HEG1: variants seen among roughly 807,000 people sequenced by gnomAD.
HEG1 encodes the protein heart development protein with EGF like domains 1, also known as protein HEG homolog 1.
In HEG1, 56 loss-of-function variants were observed where a neutral mutation model predicts 125.6. That is an observed-to-expected ratio of 0.45 (90% CI 0.36 to 0.56). HEG1 has a LOEUF of 0.56. HEG1 is among the 20% of genes least tolerant of loss of function. HEG1 has a pLI of 0.00. For missense variants in HEG1, 1,523 were observed against 1,670.0 expected (o/e 0.91, Z 1.53); for synonymous variants, 644 against 668.5 (o/e 0.96, Z 0.57).
At chr3:125,020,036 T>C (rs1023256360) in intron 4 of HEG1, among the ~76,000 whole-genome samples, 3 of 152,350 alleles carry the variant, frequency 2.0e-5, no homozygotes, top group South Asian at 2.1e-4. Context: ...AAATCAATTA[T>C]AAGGATTAAG....
chr3:125,016,249 A>G (rs541971772), intron 5 of HEG1, among the ~76,000 whole-genome samples: 3 of 152,342 alleles, frequency 2.0e-5, no homozygotes, highest in African/African-American at 7.2e-5. Flanking sequence ...GGAGCGGGCC[A>G]AGAACTCTAA....
At chr3:125,051,146 T>A (rs1305549331) in intron 1 of HEG1, among the ~76,000 whole-genome samples, 1 of 152,244 alleles carries the variant, frequency 6.6e-6, no homozygotes, top group Non-Finnish European at 1.5e-5. Context: ...GAGTAGGGCA[T>A]AATTTACAAT....
chr3:124,984,383 G>GA (rs933721032), intron 14 of HEG1, among the ~76,000 whole-genome samples: 10 of 151,876 alleles, frequency 6.6e-5, no homozygotes, highest in African/African-American at 2.2e-4. Flanking sequence ...AAGAGGGATG[G>GA]AAAAAAATGT....
chr3:124,997,692 G>A lies in HEG1; in HGVS notation c.3649C>T (p.Arg1217Ter). The A allele has an allele frequency of 1.3e-6, 2 of 1,574,744 alleles. No individual in the cohort carries two copies. The highest frequency in any genetic ancestry group is 1.7e-6 in the Non-Finnish European group (2 of 1,154,110). The change falls in exon 12 of 17, where the codon CGA (arginine) becomes TGA (stop). Residue 1217 changes from arginine to a stop codon, truncating the protein, a stop_gained. Transcript: ENST00000311127. LOFTEE classifies it high-confidence loss of function. ...FQFNKMDHSC[R>*]ACEDGYRLEN... Reference sequence around the variant, plus strand: ...CCCCAGGCGAAGCTGTGGCTACCTCGGCAGGAGTGGTCCATCTTGTTGAAC... The same window carrying A: ...CCCCAGGCGAAGCTGTGGCTACCTCAGCAGGAGTGGTCCATCTTGTTGAAC...
intron 5 of HEG1, chr3:125,015,110 C>T: frequency 1.3e-6 from 1 of 775,232 alleles, no homozygotes; most frequent in African/African-American, 1.8e-5. Flanking sequence ...AGCCAAGACG[C>T]TCCCCTGTAC....
chr3:125,024,229 C>T (rs1344057298), intron 3 of HEG1, among the ~76,000 whole-genome samples: 1 of 152,220 alleles, frequency 6.6e-6, no homozygotes, highest in Non-Finnish European at 1.5e-5. Context: ...TGATTCTCAA[C>T]ATTTCTTATA....
At chr3:124,978,968 G>A (rs868018518) in intron 14 of HEG1, among the ~76,000 whole-genome samples, 27 of 144,326 alleles carry the variant, frequency 1.9e-4, no homozygotes, top group Non-Finnish European at 4.0e-4. Context: ...TTTTTTTTCC[G>A]AGACGGAGTC....
At chr3:125,034,239 T>C (rs1427030691) in intron 1 of HEG1, among the ~76,000 whole-genome samples, 2 of 152,260 alleles carry the variant, frequency 1.3e-5, no homozygotes, top group African/African-American at 4.8e-5. Context: ...CACACCTCTT[T>C]GTCTGGTAAT....
Position 124,984,150 on chromosome 3 carries a change from C to A in HEG1, c.3734-6204G>T, listed in dbSNP as rs1936700311. 2.0e-5 allele frequency among the ~76,000 whole-genome samples: 3 copies of A among 152,242 alleles called. No homozygotes were observed. The South Asian group carries it at 6.2e-4, about 32-fold the overall frequency. The stretch of plus-strand genomic sequence containing the variant: ...ACTGGGTGAACACAACTGAAAGACA[C>A]CTTCTACACCTGCCATCAGACCGTG... On this transcript the variant is annotated intron_variant, in intron 14 of 16. Coordinates refer to ENST00000311127, the MANE Select transcript of HEG1 (RefSeq NM_020733.2).
chr3:124,970,434 C>T lies in HEG1; in HGVS notation c.*218G>A. 1.8e-6 allele frequency: 1 copy of T among 540,962 alleles called. No homozygotes were observed. Among genetic ancestry groups the T allele is most frequent in the East Asian group, 3.1e-5 (1 of 32,350 alleles). 33.5% of individuals were successfully genotyped at this position (540,962 alleles called of 1,614,324 possible). On this transcript the variant is annotated 3_prime_UTR_variant, in exon 17 of 17. Coordinates refer to ENST00000311127, the MANE Select transcript of HEG1 (RefSeq NM_020733.2). ...GACTCTCTTGATACTGGCCCACATT[C>T]ACGTTCACAGTAACAACAAAGGTGC...
In HEG1 at chr3:125,012,843, A is replaced by G. The variant is rs757673570; in HGVS notation, c.2736T>C (p.Thr912=). The G allele has an allele frequency of 5.0e-6, 8 of 1,614,034 alleles. No individual in the cohort carries two copies. Among genetic ancestry groups the G allele is most frequent in the Non-Finnish European group, 6.8e-6 (8 of 1,179,882 alleles). ...GTACACTGGTCAAAGGGATCAATCCAGTGGTAGCATCCACAATCACTCGGT... is the reference window on the plus strand; with the variant it reads ...GTACACTGGTCAAAGGGATCAATCCGGTGGTAGCATCCACAATCACTCGGT... ...ERNRVIVDAT[T]GLIPLTSVPT... is the part of the protein sequence containing the mutation. Residue 912 remains threonine (T), a synonymous_variant, in exon 6 of 17, where the codon ACT becomes ACC. Coordinates refer to ENST00000311127, the MANE Select transcript of HEG1 (RefSeq NM_020733.2).
intron 6 of HEG1, among the ~76,000 whole-genome samples, chr3:125,010,943 C>T (rs137945836): frequency 3.9e-5 from 6 of 152,310 alleles, no homozygotes; most frequent in South Asian, 2.1e-4. Flanking sequence ...CTCATTCCCC[C>T]GCTAGAAGAT....
chr3:124,984,177 GT>G (rs1257087045), intron 14 of HEG1, among the ~76,000 whole-genome samples: 3 of 152,264 alleles, frequency 2.0e-5, no homozygotes, highest in Non-Finnish European at 4.4e-5. Context: ...CAGACCGTGG[GT>G]TGGGCTGGGA....
chr3:125,017,621 G>A (rs1937270648), intron 5 of HEG1, among the ~76,000 whole-genome samples: 1 of 152,204 alleles, frequency 6.6e-6, no homozygotes, highest in African/African-American at 2.4e-5. Flanking sequence ...TACACAGCTG[G>A]TGGGAATATA....
rs141260685 is a variant in HEG1 at position 125,014,927 on chromosome 3, G to C, written c.1589-937C>G. On this transcript the variant is annotated intron_variant, in intron 5 of 16. Transcript: ENST00000311127. ...TGACAGTAGCCAAGGTGTGGGTGCC[G>C]AGAGAGGGCACCCCAGAAGTCCTGT... 5.7e-4 allele frequency: 736 copies of C among 1,289,536 alleles called. 3 individuals are homozygous for C. In the African/African-American group the frequency reaches 0.01, roughly 18 times the overall value. The allele number at this position is 1,289,536 out of a possible 1,614,324, so 79.9% of individuals were successfully genotyped here.
chr3:125,031,014 C>A (rs1166524040), intron 1 of HEG1, among the ~76,000 whole-genome samples: 1 of 152,070 alleles, frequency 6.6e-6, no homozygotes, highest in African/African-American at 2.4e-5. Flanking sequence ...TAGTTAACTT[C>A]CATAACACCC....
chr3:124,971,262 A>G (rs1242020102), intron 16 of HEG1: 1 of 432,310 alleles, frequency 2.3e-6, no homozygotes, highest in South Asian at 1.7e-5. Flanking sequence ...GTTGCAGGAG[A>G]GCCCAATGTG....
At chr3:125,047,541 A>G (rs1177770065) in intron 1 of HEG1, among the ~76,000 whole-genome samples, 1 of 151,806 alleles carries the variant, frequency 6.6e-6, no homozygotes, top group Non-Finnish European at 1.5e-5. Context: ...GTGGTCTGTG[A>G]CTGCAACACC....
intron 9 of HEG1, among the ~76,000 whole-genome samples, chr3:125,003,509 T>A (rs1051689088): frequency 6.6e-6 from 1 of 152,262 alleles, no homozygotes; most frequent in African/African-American, 2.4e-5. Flanking sequence ...CCTTTGCTCT[T>A]GGATCCTGGG....
Sources: allele counts gnomAD v4.1 joint callset (sites outside exome capture counted in the v4.1 genomes callset), GRCh38; gene constraint gnomAD v4.1.1; transcripts MANE v1.5; gene names NCBI Gene and HGNC (gene_info 2026-07-23, HGNC 2026-07-21).